The following UGT3A1 variants were observed in gnomAD, a reference collection of about 807,000 sequenced individuals.
The protein encoded by UGT3A1 is UDP-glycosyltransferase 3A1.
UGT3A1 carries 40 observed loss-of-function variants against 37.6 expected under a neutral mutation model. That is an observed-to-expected ratio of 1.06 (90% CI 0.83 to 1.38). The LOEUF (loss-of-function observed/expected upper bound fraction) is 1.38. UGT3A1 is among the 40% of genes most tolerant of loss of function. UGT3A1 has a pLI of 0.00. For synonymous variants in UGT3A1, 256 were observed against 232.3 expected (o/e 1.10, Z -0.93); for missense variants, 642 against 634.2 (o/e 1.01, Z -0.13).
Position 35,951,983 on chromosome 5 carries a change from G to C in UGT3A1, c.*2219C>G, listed in dbSNP as rs1274215097. On this transcript the variant is annotated 3_prime_UTR_variant, in exon 7 of 7. Transcript: ENST00000274278. ...ACAAGATAAATAGGAACCAGTCCCT[G>C]TCTTTATGACCTTATGGTTTCTAAA... The C allele has an allele frequency of 6.6e-6, 1 of 152,148 alleles. No homozygotes were observed. Among genetic ancestry groups the C allele is most frequent in the Non-Finnish European group, 1.5e-5 (1 of 68,026 alleles). The allele number at this position is 152,148 out of a possible 1,614,324, so 9.4% of individuals were successfully genotyped here.
Position 35,954,048 on chromosome 5 carries a change from A to G in UGT3A1, c.*154T>C. 1.2e-6 allele frequency: 1 copy of G among 833,156 alleles called. No individual in the cohort carries two copies. The highest frequency in any genetic ancestry group is 1.8e-6 in the Non-Finnish European group (1 of 545,730). The allele number at this position is 833,156 out of a possible 1,614,324, so 51.6% of individuals were successfully genotyped here. A position where few individuals can be genotyped will look rare whatever the true frequency, so the allele number is the denominator to read the frequency against. ...CAAGAAGCCTCAGTGGTGCGTGAAG[A>G]TTTCTAAACAGAGGCAGAGAATAGA... On this transcript the variant is annotated 3_prime_UTR_variant, in exon 7 of 7. Transcript: ENST00000274278.
Position 35,991,261 on chromosome 5 carries a change from C to T in UGT3A1, c.-21G>A, listed in dbSNP as rs372291631. On this transcript the variant is annotated 5_prime_UTR_variant, in exon 1 of 7. Transcript: ENST00000274278. ...ACCATGCTCACTTCCACAGAAGCAG[C>T]GGATCTCAGCCTGGGCTGCGCGCCC... 168 of 1,613,888 alleles carry T rather than the reference C, an allele frequency of 1.0e-4. No individual in the cohort carries two copies. Among genetic ancestry groups the T allele is most frequent in the Non-Finnish European group, 1.3e-4 (155 of 1,179,908 alleles).
In UGT3A1 at chr5:35,952,209, T is replaced by C. The variant is rs1182084931; in HGVS notation, c.*1993A>G. The stretch of plus-strand genomic sequence containing the variant: ...GGTATTTCTGAGAGAAGGAAGGGCA[T>C]AGACAAACCTCAGAGGTTAAAAACA... On this transcript the variant is annotated 3_prime_UTR_variant, in exon 7 of 7. Transcript: ENST00000274278. 3 of 152,124 alleles carry C rather than the reference T, an allele frequency of 2.0e-5. No individual in the cohort carries two copies. Among genetic ancestry groups the C allele is most frequent in the Admixed American group, 6.5e-5 (1 of 15,268 alleles). 9.4% of individuals were successfully genotyped at this position (152,124 alleles called of 1,614,324 possible).
chr5:35,988,256 T>C (rs1490972699), intron 2 of UGT3A1, among the ~76,000 whole-genome samples, 194 bp downstream of exon 2: 4 of 152,160 alleles, frequency 2.6e-5, no homozygotes, highest in Non-Finnish European at 5.9e-5. Context: ...CAGAAGTATG[T>C]TATGTGAAGT....
At chr5:35,995,694 A>C (rs1339269191), upstream of UGT3A1, among the ~76,000 whole-genome samples, 1 of 152,202 alleles carries the variant, frequency 6.6e-6, no homozygotes, top group Non-Finnish European at 1.5e-5. Flanking sequence ...ACAGGCATAA[A>C]GAGTCACGGG....
At chr5:36,000,891 T>G (rs1741208322) in intron 1 of UGT3A1, 1 of 152,218 alleles carries the variant, frequency 6.6e-6, no homozygotes, top group Non-Finnish European at 1.5e-5. Flanking sequence ...CCACTGCCAA[T>G]CACAGATGCC....
At chr5:35,977,255 C>T (rs561484172) in intron 2 of UGT3A1, among the ~76,000 whole-genome samples, 1 of 152,234 alleles carries the variant, frequency 6.6e-6, no homozygotes, top group African/African-American at 2.4e-5. Context: ...CAACAGAAAA[C>T]TAAATAAACA....
chr5:35,969,872 T>C (rs779864482), intron 2 of UGT3A1, among the ~76,000 whole-genome samples: 8 of 152,200 alleles, frequency 5.3e-5, no homozygotes, highest in Non-Finnish European at 1.2e-4. Context: ...ATCTTAAGCA[T>C]TGGTACTAAA....
At chr5:35,968,633 C>T (rs1739912592) in intron 2 of UGT3A1, among the ~76,000 whole-genome samples, 1 of 152,046 alleles carries the variant, frequency 6.6e-6, no homozygotes, top group African/African-American at 2.4e-5. Flanking sequence ...ATGGTAGTCC[C>T]CTTCATTCTA....
chr5:35,978,835 A>G (rs1320239451), intron 2 of UGT3A1, among the ~76,000 whole-genome samples: 1 of 152,218 alleles, frequency 6.6e-6, no homozygotes, highest in Non-Finnish European at 1.5e-5. Flanking sequence ...CCTTCTGCCT[A>G]TGAGCCTGTA....
At chr5:35,988,667 G>T in intron 1 of UGT3A1, 116 bp from the exon 2 acceptor site, 1 of 743,100 alleles carries the variant, frequency 1.3e-6, no homozygotes, top group Non-Finnish European at 2.2e-6. Context: ...AAGAGGAAAT[G>T]TGAACAGTGA....
At chr5:35,988,375 C>A in intron 2 of UGT3A1, 75 bp downstream of exon 2, 2 of 1,080,084 alleles carry the variant, frequency 1.9e-6, no homozygotes, top group Non-Finnish European at 2.6e-6. Flanking sequence ...TTTTACTATG[C>A]AGCTGTATAA....
At chr5:35,995,452 G>C (rs1268246031), upstream of UGT3A1, among the ~76,000 whole-genome samples, 1 of 152,216 alleles carries the variant, frequency 6.6e-6, no homozygotes, top group African/African-American at 2.4e-5. Flanking sequence ...ACGAGGCATA[G>C]TTAAAGAATT....
chr5:35,979,904 G>A (rs893281172), intron 2 of UGT3A1, among the ~76,000 whole-genome samples: 1 of 152,214 alleles, frequency 6.6e-6, no homozygotes, highest in African/African-American at 2.4e-5. Context: ...AAGAGAGAGA[G>A]AGCTTGTGCA....
intron 4 of UGT3A1, among the ~76,000 whole-genome samples, chr5:35,959,643 GA>G (rs1436469236): frequency 1.9e-4 from 28 of 151,056 alleles, no homozygotes; most frequent in Admixed American, 1.1e-3. Flanking sequence ...GAAAGAAAAA[GA>G]AAAAAAGAAT....
At chr5:35,970,382 C>T (rs1387510466) in intron 2 of UGT3A1, among the ~76,000 whole-genome samples, 1 of 135,096 alleles carries the variant, frequency 7.4e-6, no homozygotes, top group Admixed American at 7.3e-5. Flanking sequence ...CAGAGTGAGA[C>T]TCCATCTCAA....
intron 2 of UGT3A1, among the ~76,000 whole-genome samples, chr5:35,980,189 T>C (rs1268550927): frequency 2.6e-5 from 4 of 152,170 alleles, no homozygotes; most frequent in African/African-American, 9.7e-5. Flanking sequence ...GAAAAGGAAG[T>C]TCAATCTGTG....
In UGT3A1 at chr5:35,957,209, G is replaced by A. The variant is rs1739388666; in HGVS notation, c.1054C>T (p.Leu352Phe). The A allele has an allele frequency of 6.2e-7, 1 of 1,614,174 alleles. No homozygotes were observed. Among genetic ancestry groups the A allele is most frequent in the Middle Eastern group, 1.7e-4 (1 of 6,052 alleles). Residue 352 changes from leucine (L) to phenylalanine (F), a missense_variant, in exon 5 of 7, where the codon CTT becomes TTT. Physicochemically the swap from Leu to Phe is conservative, Grantham distance 22 (BLOSUM62 0). Coordinates refer to ENST00000274278, the MANE Select transcript of UGT3A1 (RefSeq NM_152404.4). ...LATNVKIVDW[L>F]PQSDLLAHPS... is the part of the protein sequence containing the mutation. ...TTACCCAGGAGGTCACTCTGAGGAA[G>A]CCAGTCCACAATTTTCACATTTGTG...
intron 2 of UGT3A1, among the ~76,000 whole-genome samples, chr5:35,982,347 G>C (rs1346902602): frequency 1.3e-5 from 2 of 152,232 alleles, no homozygotes; most frequent in African/African-American, 2.4e-5. Flanking sequence ...GCTATACCTT[G>C]CAGAGCCACA....
Sources: gnomAD v4.1 joint callset for allele counts (sites outside exome capture counted in the v4.1 genomes callset) on GRCh38, gnomAD v4.1.1 for gene constraint, MANE v1.5 for transcripts, NCBI Gene and HGNC (gene_info 2026-07-23, HGNC 2026-07-21) for gene names.